Variants in DCC observed in about 807,000 individuals in gnomAD.
DCC encodes the protein netrin receptor DCC.
In DCC, 58 loss-of-function variants were observed where a neutral mutation model predicts 172.5. The observed-to-expected ratio is 0.34, with a 90% CI of 0.27 to 0.42. The LOEUF (loss-of-function observed/expected upper bound fraction) is 0.42, where lower values mean the gene tolerates loss of function less well. DCC is among the 10% of genes least tolerant of loss of function. The probability of loss-of-function intolerance (pLI) is 1.00; values close to 1 mark genes in which losing one functional copy is unlikely to be tolerated. For missense variants in DCC, 1,740 were observed against 1,791.0 expected (o/e 0.97, Z 0.51); for synonymous variants, 709 against 644.5 (o/e 1.10, Z -1.52).
intron 5 of DCC, among the ~76,000 whole-genome samples, chr18:52,977,200 T>C (rs2041132749): frequency 6.6e-6 from 1 of 152,132 alleles, no homozygotes; most frequent in Admixed American, 6.5e-5. Flanking sequence ...GGGAAAAATA[T>C]TGAGAGGAAA....
At chr18:53,301,308 C>G (rs565541055) in intron 12 of DCC, among the ~76,000 whole-genome samples, 2 of 151,888 alleles carry the variant, frequency 1.3e-5, no homozygotes, top group Non-Finnish European at 2.9e-5. Flanking sequence ...AGGCTGGTCT[C>G]GAACTCCTGA....
At chr18:53,394,132 C>T (rs1228879862) in intron 17 of DCC, among the ~76,000 whole-genome samples, 1 of 152,168 alleles carries the variant, frequency 6.6e-6, no homozygotes, top group African/African-American at 2.4e-5. Context: ...CAATAGGAAA[C>T]AAACAAAATG....
intron 1 of DCC, among the ~76,000 whole-genome samples, chr18:52,427,815 T>TCTTCCTTTCTTCCTTC (rs1987481106): frequency 2.7e-5 from 3 of 113,058 alleles, no homozygotes; most frequent in African/African-American, 4.1e-5. Context: ...TTTCTTCCTT[T>TCTTCCTTTCTTCCTTC]CTTCCTTCCT....
chr18:52,798,437 C>T (rs369715382), intron 2 of DCC, among the ~76,000 whole-genome samples: 1 of 152,168 alleles, frequency 6.6e-6, no homozygotes, highest in East Asian at 1.9e-4. Flanking sequence ...CTCCTGACTT[C>T]AGGTGATCCT....
At chr18:52,724,654 C>T (rs1423899784) in intron 1 of DCC, among the ~76,000 whole-genome samples, 1 of 152,102 alleles carries the variant, frequency 6.6e-6, no homozygotes, top group Non-Finnish European at 1.5e-5. Flanking sequence ...ATTTTTTGTC[C>T]TTTGGCAACC....
At chr18:52,620,522 G>GA (rs1208553560) in intron 1 of DCC, among the ~76,000 whole-genome samples, 47 of 152,294 alleles carry the variant, frequency 3.1e-4, no homozygotes, top group African/African-American at 1.1e-3. Flanking sequence ...ATATAGAAGA[G>GA]AACTGGCACA....
chr18:52,756,052 T>A (rs2037071541), intron 2 of DCC, among the ~76,000 whole-genome samples: 2 of 152,236 alleles, frequency 1.3e-5, no homozygotes, highest in South Asian at 4.1e-4. Context: ...TGACTCTCAG[T>A]ATTTCTAGTC....
At chr18:53,375,700 G>T (rs1285095415) in intron 15 of DCC, among the ~76,000 whole-genome samples, 1 of 143,412 alleles carries the variant, frequency 7.0e-6, no homozygotes, top group Non-Finnish European at 1.5e-5. Flanking sequence ...TTAATTTTCT[G>T]ATGTAAAGCT....
At chr18:52,875,225 G>A (rs1030225208) in intron 2 of DCC, among the ~76,000 whole-genome samples, 4 of 110,928 alleles carry the variant, frequency 3.6e-5, no homozygotes, top group African/African-American at 3.3e-5. Flanking sequence ...ACACAACAGC[G>A]AAACTTTTTT....
At chr18:53,466,806 G>A (rs1192639361) in intron 24 of DCC, among the ~76,000 whole-genome samples, 6 of 152,152 alleles carry the variant, frequency 3.9e-5, no homozygotes, top group Admixed American at 2.0e-4. Flanking sequence ...GATTACAGGC[G>A]TGAGCCACCA....
intron 7 of DCC, among the ~76,000 whole-genome samples, chr18:53,127,016 T>C (rs2043567739): frequency 1.3e-5 from 2 of 152,060 alleles, no homozygotes; most frequent in Non-Finnish European, 2.9e-5. Context: ...AGTCTGGCAA[T>C]TGTAGGTGCA....
chr18:52,984,852 A>G (rs1373214255), intron 5 of DCC, among the ~76,000 whole-genome samples: 1 of 152,116 alleles, frequency 6.6e-6, no homozygotes, highest in East Asian at 1.9e-4. Flanking sequence ...ATCTACTTTT[A>G]GCCACCAAAA....
At chr18:53,196,399 A>G (rs572281857) in intron 9 of DCC, among the ~76,000 whole-genome samples, 5 of 152,308 alleles carry the variant, frequency 3.3e-5, no homozygotes, top group African/African-American at 1.2e-4. Context: ...CATATTCTAC[A>G]TACTTCACAA....
intron 5 of DCC, among the ~76,000 whole-genome samples, chr18:53,014,498 T>A (rs1370930546): frequency 1.4e-5 from 2 of 139,952 alleles, no homozygotes; most frequent in Admixed American, 1.5e-4. Flanking sequence ...GTCCATGTGT[T>A]CTCATTGTTC....
intron 3 of DCC, among the ~76,000 whole-genome samples, chr18:52,917,936 T>A (rs1598928487): frequency 6.6e-6 from 1 of 152,132 alleles, no homozygotes; most frequent in Admixed American, 6.6e-5. Context: ...ATTAAAGAGG[T>A]ATGCTTTTGT....
chr18:52,745,739 C>T (rs1476188070), intron 1 of DCC, among the ~76,000 whole-genome samples: 2 of 152,172 alleles, frequency 1.3e-5, no homozygotes, highest in African/African-American at 2.4e-5. Flanking sequence ...AGAACTTACT[C>T]CTCCTGTCTA....
intron 9 of DCC, among the ~76,000 whole-genome samples, chr18:53,191,368 C>T (rs927496278): frequency 4.5e-4 from 68 of 152,096 alleles, no homozygotes; most frequent in African/African-American, 1.6e-3. Flanking sequence ...AATTAAACAG[C>T]TTGATTAATT....
intron 1 of DCC, among the ~76,000 whole-genome samples, chr18:52,405,569 C>T (rs1404794872): frequency 1.3e-5 from 2 of 151,252 alleles, no homozygotes; most frequent in East Asian, 3.9e-4. Context: ...CTCCCATTCA[C>T]AATTGCTTCA....
At chr18:52,607,547 C>T (rs1025026308) in intron 1 of DCC, among the ~76,000 whole-genome samples, 2 of 152,100 alleles carry the variant, frequency 1.3e-5, no homozygotes, top group South Asian at 4.1e-4. Context: ...CCAGTGAAAT[C>T]CGTGGGGCAA....
Sources: gnomAD v4.1 joint callset for allele counts (sites outside exome capture counted in the v4.1 genomes callset) on GRCh38, gnomAD v4.1.1 for gene constraint, MANE v1.5 for transcripts, NCBI Gene and HGNC (gene_info 2026-07-23, HGNC 2026-07-21) for gene names.